Variants in HFM1 observed in about 807,000 individuals in gnomAD.
HFM1 encodes helicase for meiosis 1.
In HFM1, 169 loss-of-function variants were observed where a neutral mutation model predicts 192.1. That is an observed-to-expected ratio of 0.88 (90% confidence interval 0.78 to 1.00). The LOEUF (loss-of-function observed/expected upper bound fraction) is 1.00, where lower values mean the gene tolerates loss of function less well. HFM1 is among the 50% of genes least tolerant of loss of function. HFM1 has a pLI of 0.00. For synonymous variants in HFM1, 525 were observed against 537.8 expected, an observed-to-expected ratio of 0.98 and a Z score of 0.33; for missense variants, 1,661 against 1,668.0, an observed-to-expected ratio of 1.00 and a Z score of 0.07.
In HFM1 at chr1:91,261,315, A is replaced by G. The variant is rs371512737; in HGVS notation, c.4283T>C (p.Leu1428Ser). ...TTAGAAAATACCATCAAATATTCCC[A>G]ATAAAGACTTCATTTCATCAGCTTC... is the stretch of plus-strand genomic sequence containing the variant. ...DDEADEMKSL[L>S]GIFDGIF The change falls in exon 39 of 39, where the codon TTG becomes TCG. Residue 1428 changes from leucine (L) to serine (S), a missense_variant. Coordinates refer to ENST00000370425, the MANE Select transcript of HFM1 (RefSeq NM_001017975.6). The G allele has an allele frequency of 9.8e-5, 139 of 1,418,352 alleles. 1 individual carries two copies. The highest frequency in any genetic ancestry group is 1.2e-4 in the Non-Finnish European group (132 of 1,072,066). 87.9% of individuals were successfully genotyped at this position (1,418,352 alleles called of 1,614,324 possible).
At position 91,372,457 on chromosome 1, in the gene HFM1, A is replaced by C. The variant is rs187391078; in HGVS notation, c.1685+2901T>G. Among the ~76,000 whole-genome samples, 307 of 152,360 alleles carry C rather than the reference A, an allele frequency of 2.0e-3. 3 individuals are homozygous for C. The highest frequency in any genetic ancestry group is 7.1e-3 in the African/African-American group (296 of 41,584). ...TTGTAGGGACATGGATGAACCTGGA[A>C]ACTATCATTCGCAGCAAACTATCGC... is the stretch of plus-strand genomic sequence containing the variant. On this transcript the variant is annotated intron_variant, in intron 13 of 38. Transcript: ENST00000370425.
chr1:91,374,107 A>G (rs1660604244), intron 13 of HFM1, among the ~76,000 whole-genome samples: 1 of 152,168 alleles, frequency 6.6e-6, no homozygotes, highest in African/African-American at 2.4e-5. Flanking sequence ...TTAGGTGAAA[A>G]CCATTCCAGT....
intron 2 of HFM1, among the ~76,000 whole-genome samples, chr1:91,397,161 CATT>C (rs1663760864): frequency 6.6e-6 from 1 of 152,190 alleles, no homozygotes; most frequent in Non-Finnish European, 1.5e-5. Flanking sequence ...ATTCCTATAA[CATT>C]ATTACAAATT....
intron 32 of HFM1, 54 bp downstream of exon 32, chr1:91,276,574 A>G: frequency 1.2e-6 from 1 of 828,244 alleles, no homozygotes; most frequent in South Asian, 1.8e-5. Flanking sequence ...AGAACAAAGA[A>G]TATTTATATA....
At chr1:91,263,155 T>C (rs1255665602) in intron 36 of HFM1, among the ~76,000 whole-genome samples, 1 of 152,016 alleles carries the variant, frequency 6.6e-6, no homozygotes, top group East Asian at 1.9e-4. Flanking sequence ...AACAAATATA[T>C]AAATAATTAT....
At chr1:91,281,094 T>C (rs1353046785) in intron 30 of HFM1, among the ~76,000 whole-genome samples, 1 of 152,118 alleles carries the variant, frequency 6.6e-6, no homozygotes. Context: ...TAGAGTGTAA[T>C]ATGGAGAACA....
chr1:91,304,979 A>C (rs745306847), intron 30 of HFM1, among the ~76,000 whole-genome samples: 23 of 152,270 alleles, frequency 1.5e-4, no homozygotes, highest in Non-Finnish European at 2.8e-4. Context: ...ACTGGCAGAG[A>C]GGTAAAGGTT....
At position 91,323,013 on chromosome 1, in the gene HFM1, C is replaced by G; in HGVS notation, c.2535-16G>C. The G allele has an allele frequency of 1.4e-5, 19 of 1,356,798 alleles. No homozygotes were observed. The highest frequency in any genetic ancestry group is 1.9e-5 in the Non-Finnish European group (19 of 1,008,822). The allele number at this position is 1,356,798 out of a possible 1,614,324, so 84.0% of individuals were successfully genotyped here. A position where few individuals can be genotyped will look rare whatever the true frequency, so the allele number is the denominator to read the frequency against. The stretch of plus-strand genomic sequence containing the variant: ...CATTGGAAATCTGTAAATAAAACCA[C>G]ATGGCAAAACATTTATTATTATTTA... On this transcript the variant is annotated splice_polypyrimidine_tract_variant and intron_variant, in intron 22 of 38. Transcript: ENST00000370425.
At chr1:91,389,629 G>A (rs571959776) in intron 4 of HFM1, among the ~76,000 whole-genome samples, 5 of 152,022 alleles carry the variant, frequency 3.3e-5, no homozygotes, top group Non-Finnish European at 7.4e-5. Flanking sequence ...CTGGCACTCT[G>A]ATTTCTGACT....
intron 30 of HFM1, among the ~76,000 whole-genome samples, chr1:91,284,639 G>A (rs763683363): frequency 2.0e-5 from 3 of 152,122 alleles, no homozygotes; most frequent in African/African-American, 4.8e-5. Context: ...AGCAAAGCCT[G>A]TAATTCTTAT....
At chr1:91,285,047 G>A (rs1204734188) in intron 30 of HFM1, among the ~76,000 whole-genome samples, 2 of 152,086 alleles carry the variant, frequency 1.3e-5, no homozygotes, top group African/African-American at 4.8e-5. Flanking sequence ...ATTTTATAAG[G>A]GGTCTCTCCT....
At chr1:91,293,262 G>A (rs913524287) in intron 30 of HFM1, among the ~76,000 whole-genome samples, 6 of 151,862 alleles carry the variant, frequency 4.0e-5, no homozygotes, top group African/African-American at 1.2e-4. Context: ...AGAGTGAACA[G>A]GCAACCTACA....
Position 91,353,166 on chromosome 1 carries a change from A to T in HFM1, c.1730-14T>A. 3.2e-6 allele frequency: 5 copies of T among 1,580,832 alleles called. No individual in the cohort carries two copies. Among genetic ancestry groups the T allele is most frequent in the Non-Finnish European group, 3.5e-6 (4 of 1,151,240 alleles). On this transcript the variant is annotated splice_polypyrimidine_tract_variant and intron_variant, in intron 14 of 38. Coordinates refer to ENST00000370425, the MANE Select transcript of HFM1 (RefSeq NM_001017975.6). ...CTTTTAAGATATCTGTAATAGAAATATATCAGCTGTTACTATTAATATTTC... is the reference window on the plus strand; with the variant it reads ...CTTTTAAGATATCTGTAATAGAAATTTATCAGCTGTTACTATTAATATTTC...
chr1:91,333,137 A>G (rs1654070341), intron 20 of HFM1, among the ~76,000 whole-genome samples: 1 of 152,162 alleles, frequency 6.6e-6, no homozygotes, highest in South Asian at 2.1e-4. Flanking sequence ...TATATCAAAG[A>G]GGTATCTACA....
chr1:91,288,118 A>G (rs1668236842), intron 30 of HFM1, among the ~76,000 whole-genome samples: 2 of 151,208 alleles, frequency 1.3e-5, no homozygotes, highest in Admixed American at 6.6e-5. Flanking sequence ...AAGTTCCCCA[A>G]TCTAGCAAGG....
intron 11 of HFM1, among the ~76,000 whole-genome samples, chr1:91,376,309 G>A (rs1660902199): frequency 6.6e-6 from 1 of 151,938 alleles, no homozygotes; most frequent in South Asian, 2.1e-4. Context: ...TCCATGCTCT[G>A]CTATGAAATT....
intron 13 of HFM1, among the ~76,000 whole-genome samples, chr1:91,358,714 T>C (rs779945871): frequency 3.0e-4 from 46 of 152,316 alleles, no homozygotes; most frequent in South Asian, 6.2e-4. Flanking sequence ...GCAAAGCACC[T>C]TGATATTGGC....
chr1:91,370,124 G>T (rs908915524), intron 13 of HFM1, among the ~76,000 whole-genome samples: 2 of 152,110 alleles, frequency 1.3e-5, no homozygotes, highest in Non-Finnish European at 2.9e-5. Context: ...AAAAAGTCCA[G>T]GACCAGATGG....
intron 30 of HFM1, among the ~76,000 whole-genome samples, chr1:91,312,249 C>A (rs1296115776): frequency 6.6e-6 from 1 of 152,096 alleles, no homozygotes; most frequent in Admixed American, 6.5e-5. Flanking sequence ...ATCCTCCAGA[C>A]CCCCGAATGG....
Sources: gnomAD v4.1 joint callset for allele counts (sites outside exome capture counted in the v4.1 genomes callset) on GRCh38, gnomAD v4.1.1 for gene constraint, MANE v1.5 for transcripts, NCBI Gene and HGNC (gene_info 2026-07-23, HGNC 2026-07-21) for gene names.